Variants in RAB28 observed in about 807,000 individuals in gnomAD.
RAB28 encodes the protein RAB28, member RAS oncogene family, also known as ras-related protein Rab-28.
RAB28 carries 24 observed loss-of-function variants against 31.7 expected under a neutral mutation model. The ratio of observed to expected loss-of-function variants is 0.76; its 90% CI spans 0.55 to 1.06. The LOEUF is 1.06. Ranked by LOEUF, RAB28 falls within the 50% of genes least tolerant of loss-of-function variation. The probability of loss-of-function intolerance (pLI) is 0.00; values close to 1 mark genes in which losing one functional copy is unlikely to be tolerated. For synonymous variants in RAB28, 100 were observed against 90.4 expected, an observed-to-expected ratio of 1.11 and a Z score of -0.60; for missense variants, 254 against 258.5, an observed-to-expected ratio of 0.98 and a Z score of 0.12.
rs181553559 is a variant in RAB28, at chr4:13,421,466, G to C, written c.391+39233C>G. Among the ~76,000 whole-genome samples, 358 of 152,218 alleles carry C rather than the reference G, an allele frequency of 2.4e-3. 3 individuals carry two copies. The highest frequency in any genetic ancestry group is 4.7e-4 in the Non-Finnish European group (32 of 68,006). On this transcript the variant is annotated intron_variant, in intron 4 of 6. Coordinates refer to ENST00000330852, the MANE Select transcript of RAB28 (RefSeq NM_001017979.3). The stretch of plus-strand genomic sequence containing the variant: ...TTGCCAAGACAATCCTAAGCAAAAA[G>C]AACAAAGCTGGAGGCATCATGCTAC...
chr4:13,381,461 A>G, intron 5 of RAB28, 30 bp downstream of exon 5: 1 of 1,463,766 alleles, frequency 6.8e-7, no homozygotes, highest in Non-Finnish European at 9.5e-7. Flanking sequence ...AAAGGAAAAC[A>G]TCACATACAG....
At chr4:13,415,112 T>C (rs570978475) in intron 4 of RAB28, among the ~76,000 whole-genome samples, 4 of 152,328 alleles carry the variant, frequency 2.6e-5, no homozygotes, top group African/African-American at 4.8e-5. Flanking sequence ...GAATCATCAT[T>C]AATTGCAGAT....
chr4:13,466,071 G>A (rs547147855), intron 3 of RAB28, among the ~76,000 whole-genome samples: 91 of 151,916 alleles, frequency 6.0e-4, no homozygotes, highest in African/African-American at 2.0e-3. Flanking sequence ...AAACCAACTC[G>A]AAATTGATTA....
chr4:13,479,466 C>T lies in RAB28; in HGVS notation c.136G>A (p.Gly46Arg), dbSNP rs758563787. 1 of 1,608,844 alleles carries T rather than the reference C, an allele frequency of 6.2e-7. No individual in the cohort carries two copies. Among genetic ancestry groups the T allele is most frequent in the Non-Finnish European group, 8.5e-7 (1 of 1,176,534 alleles). The part of the protein sequence containing the change: ...TFGKQYKQTI[G>R]LDFFLRRITL... ...ATCCTTCTCAAAAAGAAATCCAGTC[C>T]TATAGTTTGTTTGTACTGTTTCCCA... is the stretch of plus-strand genomic sequence containing the variant. The change falls in exon 2 of 7, where the codon GGA (glycine) becomes AGA (arginine). Residue 46 changes from glycine (G) to arginine (R), a missense_variant. Gly to Arg is a moderately radical substitution (Grantham distance 125). Transcript: ENST00000330852.
At chr4:13,416,996 G>T (rs999226496) in intron 4 of RAB28, among the ~76,000 whole-genome samples, 1 of 152,218 alleles carries the variant, frequency 6.6e-6, no homozygotes, top group Admixed American at 6.5e-5. Context: ...AGGAAGCCAT[G>T]ACAGACTGTA....
In RAB28 at chr4:13,393,342, A is replaced by G. The variant is rs563016644; in HGVS notation, c.392-11748T>C. ...GAATATGTACAAAAGCATCTGAAAGAACCTGGCTTCCAAGAGCTAGTGAAA... is the reference window on the plus strand; with the variant it reads ...GAATATGTACAAAAGCATCTGAAAGGACCTGGCTTCCAAGAGCTAGTGAAA... On this transcript the variant is annotated intron_variant, in intron 4 of 6. Coordinates refer to ENST00000330852, the MANE Select transcript of RAB28 (RefSeq NM_001017979.3). 5.9e-5 allele frequency among the ~76,000 whole-genome samples: 9 copies of G among 152,332 alleles called. No individual in the cohort carries two copies. The South Asian group carries it at 1.9e-3, about 32-fold the overall frequency.
chr4:13,415,386 G>C (rs1712699416), intron 4 of RAB28, among the ~76,000 whole-genome samples: 1 of 152,204 alleles, frequency 6.6e-6, no homozygotes, highest in South Asian at 2.1e-4. Flanking sequence ...TCAGCTTGCA[G>C]GGAGGTGTGG....
At chr4:13,371,874 G>A (rs1463859193) in intron 6 of RAB28, 4 of 1,534,364 alleles carry the variant, frequency 2.6e-6, no homozygotes, top group South Asian at 1.2e-5. Flanking sequence ...GGCCCTAAGA[G>A]GAAAAGAGTT....
At position 13,474,965 on chromosome 4, in the gene RAB28, G is replaced by A. The variant is rs571324296; in HGVS notation, c.173-559C>T. On this transcript the variant is annotated intron_variant, in intron 2 of 6. Transcript: ENST00000330852. ...ATGGCAAACATAGTCAAAAAATTACGTTTTCAAATTTAACCCACAAAATAG... is the reference window on the plus strand; with the variant it reads ...ATGGCAAACATAGTCAAAAAATTACATTTTCAAATTTAACCCACAAAATAG... 7.9e-5 allele frequency among the ~76,000 whole-genome samples: 12 copies of A among 151,646 alleles called. No homozygotes were observed. The South Asian group carries it at 1.5e-3, about 18-fold the overall frequency.
intron 4 of RAB28, among the ~76,000 whole-genome samples, chr4:13,391,286 CAACA>C (rs1378523109): frequency 6.6e-6 from 1 of 152,096 alleles, no homozygotes; most frequent in Non-Finnish European, 1.5e-5. Flanking sequence ...TTTATGCGGC[CAACA>C]GACACATGAA....
chr4:13,478,691 A>G (rs979822527), intron 2 of RAB28, among the ~76,000 whole-genome samples: 81 of 151,770 alleles, frequency 5.3e-4, no homozygotes, highest in Admixed American at 2.7e-3. Flanking sequence ...TTTTAATAAA[A>G]TACTTTAAAC....
intron 4 of RAB28, among the ~76,000 whole-genome samples, chr4:13,451,370 T>C (rs934062434): frequency 1.3e-5 from 2 of 151,464 alleles, no homozygotes; most frequent in Non-Finnish European, 3.0e-5. Context: ...TGCCCATTTT[T>C]TAAATTGGAT....
At chr4:13,434,891 T>C (rs902633181) in intron 4 of RAB28, among the ~76,000 whole-genome samples, 3 of 151,160 alleles carry the variant, frequency 2.0e-5, no homozygotes, top group Non-Finnish European at 4.4e-5. Context: ...TGGTGGCAGG[T>C]ACCTGTAATC....
chr4:13,414,387 T>C (rs943727736), intron 4 of RAB28, among the ~76,000 whole-genome samples: 5 of 152,136 alleles, frequency 3.3e-5, no homozygotes, highest in African/African-American at 1.2e-4. Flanking sequence ...CATGAAAATA[T>C]AAATAACCCA....
Position 13,381,403 on chromosome 4 carries a change from C to T in RAB28, c.495+88G>A, listed in dbSNP as rs991096898. ...TGTTTTCAATAGGAATTAATTTGCT[C>T]CAAAAGTTAAATAGTGGAAGTATAC... is the stretch of plus-strand genomic sequence containing the variant. On this transcript the variant is annotated intron_variant, in intron 5 of 6. Transcript: ENST00000330852. 7.5e-6 allele frequency: 7 copies of T among 934,996 alleles called. No homozygotes were observed. The Admixed American group carries it at 1.4e-4, about 19-fold the overall frequency. The allele number at this position is 934,996 out of a possible 1,614,324, so 57.9% of individuals were successfully genotyped here. A position where few individuals can be genotyped will look rare whatever the true frequency, so the allele number is the denominator to read the frequency against.
At chr4:13,424,603 C>A (rs1210846054) in intron 4 of RAB28, among the ~76,000 whole-genome samples, 3 of 152,094 alleles carry the variant, frequency 2.0e-5, no homozygotes, top group Non-Finnish European at 4.4e-5. Context: ...CAATTCAACC[C>A]ATACAAAAAA....
chr4:13,395,848 C>G (rs1729853152), intron 4 of RAB28, among the ~76,000 whole-genome samples: 1 of 151,982 alleles, frequency 6.6e-6, no homozygotes, highest in Non-Finnish European at 1.5e-5. Flanking sequence ...TGGCCTGAGG[C>G]TTCACAATGT....
At chr4:13,369,436 T>A (rs920126888) in intron 6 of RAB28, among the ~76,000 whole-genome samples, 1 of 152,140 alleles carries the variant, frequency 6.6e-6, no homozygotes, top group African/African-American at 2.4e-5. Context: ...AGTAATACTT[T>A]AAAACAAATC....
At chr4:13,397,811 C>A (rs1711516923) in intron 4 of RAB28, among the ~76,000 whole-genome samples, 1 of 152,102 alleles carries the variant, frequency 6.6e-6, no homozygotes, top group Non-Finnish European at 1.5e-5. Flanking sequence ...TAGCAATTCT[C>A]CAGCACTTCT....
Sources: gnomAD v4.1 joint callset for allele counts (sites outside exome capture counted in the v4.1 genomes callset) on GRCh38, gnomAD v4.1.1 for gene constraint, MANE v1.5 for transcripts, NCBI Gene and HGNC (gene_info 2026-07-23, HGNC 2026-07-21) for gene names.